NSUN3: variants seen among roughly 807,000 people sequenced by gnomAD.
NSUN3 encodes the protein tRNA (cytosine(34)-C(5))-methyltransferase, mitochondrial.
Under a neutral mutation model 36.8 loss-of-function variants are expected in NSUN3, and 24 were observed. The ratio of observed to expected loss-of-function variants is 0.65; its 90% confidence interval spans 0.47 to 0.92. The LOEUF is 0.92. Ranked by LOEUF, NSUN3 falls within the 40% of genes least tolerant of loss-of-function variation. The probability of loss-of-function intolerance (pLI) is 0.00; values close to 1 mark genes in which losing one functional copy is unlikely to be tolerated. For synonymous variants in NSUN3, 146 were observed against 145.2 expected, an observed-to-expected ratio of 1.01 and a Z score of -0.04; for missense variants, 381 against 392.8, an observed-to-expected ratio of 0.97 and a Z score of 0.25.
intron 2 of NSUN3, among the ~76,000 whole-genome samples, chr3:94,065,970 A>T (rs912909443): frequency 6.6e-6 from 1 of 152,014 alleles, no homozygotes; most frequent in African/African-American, 2.4e-5. Flanking sequence ...TAAGTGGCAG[A>T]GCTGAGGCTT....
chr3:94,123,704 C>T (rs546646481), intron 5 of NSUN3, among the ~76,000 whole-genome samples: 12 of 152,260 alleles, frequency 7.9e-5, no homozygotes, highest in African/African-American at 2.4e-4. Flanking sequence ...CACTGACCTC[C>T]GCTTTCCTTG....
At chr3:94,095,238 A>G in intron 5 of NSUN3, 84 bp downstream of exon 5, 1 of 1,350,326 alleles carries the variant, frequency 7.4e-7, no homozygotes. Flanking sequence ...CCCCCAGTGG[A>G]GGGCTTGCTG....
intron 2 of NSUN3, among the ~76,000 whole-genome samples, chr3:94,083,632 A>G (rs1405158799): frequency 6.6e-6 from 1 of 152,228 alleles, no homozygotes; most frequent in Non-Finnish European, 1.5e-5. Flanking sequence ...ATTGGTTGCA[A>G]AAAGCAACAA....
intron 2 of NSUN3, among the ~76,000 whole-genome samples, chr3:94,064,921 GC>G (rs1236059880): frequency 7.2e-4 from 110 of 152,140 alleles, no homozygotes; most frequent in African/African-American, 2.6e-3. Flanking sequence ...AATCTTTAAA[GC>G]CAGCACTGCT....
chr3:94,106,539 CTG>C (rs1213941836), intron 5 of NSUN3, among the ~76,000 whole-genome samples: 1 of 152,144 alleles, frequency 6.6e-6, no homozygotes, highest in African/African-American at 2.4e-5. Flanking sequence ...CTAGAAATGT[CTG>C]TGTTTTAGAT....
At chr3:94,100,561 T>A (rs2077361049) in intron 5 of NSUN3, among the ~76,000 whole-genome samples, 1 of 152,204 alleles carries the variant, frequency 6.6e-6, no homozygotes, top group African/African-American at 2.4e-5. Context: ...TCTGTCGCAC[T>A]ATGTGGTGAC....
At chr3:94,114,789 G>T (rs1406741574) in intron 5 of NSUN3, among the ~76,000 whole-genome samples, 1 of 152,058 alleles carries the variant, frequency 6.6e-6, no homozygotes, top group African/African-American at 2.4e-5. Flanking sequence ...GTAGTTCCCA[G>T]TGTCTATTAC....
intron 5 of NSUN3, among the ~76,000 whole-genome samples, chr3:94,115,027 A>G (rs374351743): frequency 7.9e-4 from 120 of 152,218 alleles, no homozygotes; most frequent in African/African-American, 2.8e-3. Flanking sequence ...ACATGTGTCC[A>G]GTGTTCTCTG....
intron 2 of NSUN3, among the ~76,000 whole-genome samples, chr3:94,065,570 A>G (rs902349544): frequency 7.2e-5 from 11 of 152,328 alleles, no homozygotes; most frequent in Non-Finnish European, 1.2e-4. Context: ...TTTCTCCTTT[A>G]CAAAGGGCAG....
intron 2 of NSUN3, chr3:94,076,638 C>CT: frequency 3.9e-6 from 4 of 1,017,138 alleles, no homozygotes; most frequent in Non-Finnish European, 6.3e-6. Context: ...AGCCCATAGC[C>CT]TTTTTTCTGA....
chr3:94,067,060 G>T (rs2077206539), intron 2 of NSUN3, among the ~76,000 whole-genome samples: 1 of 152,156 alleles, frequency 6.6e-6, no homozygotes, highest in Non-Finnish European at 1.5e-5. Context: ...TTTATGTTGA[G>T]GCCTGGGGAC....
chr3:94,108,000 GC>G (rs1380341983), intron 5 of NSUN3, among the ~76,000 whole-genome samples: 1 of 82,552 alleles, frequency 1.2e-5, no homozygotes, highest in African/African-American at 4.5e-5. Flanking sequence ...TTCAGATAAA[GC>G]CTCTGGCCTC....
At chr3:94,114,522 A>C (rs2077431719) in intron 5 of NSUN3, among the ~76,000 whole-genome samples, 1 of 152,202 alleles carries the variant, frequency 6.6e-6, no homozygotes. Context: ...TTAACATAGG[A>C]GTGAGCATCT....
At chr3:94,087,502 C>G (rs553600640) in intron 3 of NSUN3, among the ~76,000 whole-genome samples, 2 of 152,282 alleles carry the variant, frequency 1.3e-5, no homozygotes, top group Admixed American at 6.5e-5. Flanking sequence ...GTCAACATAG[C>G]CTTTTTAATG....
intron 5 of NSUN3, among the ~76,000 whole-genome samples, chr3:94,098,789 G>A (rs1345895146): frequency 2.6e-5 from 4 of 152,010 alleles, no homozygotes; most frequent in Admixed American, 6.6e-5. Flanking sequence ...CTGATTCTTC[G>A]GGAATCAGCT....
chr3:94,084,440 T>C lies in NSUN3; in HGVS notation c.456T>C (p.Cys152=). ...GGAAATCAATAGCTCTGCTGCAGTG[T>C]GCTTGTCCAGGTAGTGTGCTTTCCT... is the stretch of plus-strand genomic sequence containing the variant. ...PGGKSIALLQ[C]ACPGYLHCNE... is the part of the protein sequence containing the mutation. Residue 152 remains cysteine, a synonymous_variant, in exon 3 of 6, where the codon TGT becomes TGC. Transcript: ENST00000314622. The C allele has an allele frequency of 6.2e-7, 1 of 1,611,984 alleles. No individual in the cohort carries two copies.
chr3:94,102,221 A>C (rs887450872), intron 5 of NSUN3, among the ~76,000 whole-genome samples: 1 of 151,428 alleles, frequency 6.6e-6, no homozygotes, highest in Non-Finnish European at 1.5e-5. Flanking sequence ...AAAAAAAAAA[A>C]AAAACACTAA....
chr3:94,098,820 C>G (rs1305886149), intron 5 of NSUN3, among the ~76,000 whole-genome samples: 1 of 152,096 alleles, frequency 6.6e-6, no homozygotes, highest in African/African-American at 2.4e-5. Flanking sequence ...CTTACTGAAG[C>G]CTTGCCTGAC....
At chr3:94,067,390 C>T (rs1452108162) in intron 2 of NSUN3, among the ~76,000 whole-genome samples, 1 of 152,172 alleles carries the variant, frequency 6.6e-6, no homozygotes, top group African/African-American at 2.4e-5. Flanking sequence ...GTGATTATAA[C>T]AGCTTTCAGT....
Sources: allele counts gnomAD v4.1 joint callset (sites outside exome capture counted in the v4.1 genomes callset), GRCh38; gene constraint gnomAD v4.1.1; transcripts MANE v1.5; gene names NCBI Gene and HGNC (gene_info 2026-07-23, HGNC 2026-07-21).